The following SASS6 variants were observed in gnomAD, a reference collection of about 807,000 sequenced individuals.
SASS6 encodes the protein SAS-6 centriolar assembly protein, also known as spindle assembly abnormal protein 6 homolog.
SASS6 carries 59 observed loss-of-function variants against 94.9 expected under a neutral mutation model. That is an observed-to-expected ratio of 0.62 (90% confidence interval 0.50 to 0.77). SASS6 has a LOEUF of 0.77. Among genes scored for constraint, SASS6 ranks in the 30% least tolerant of loss-of-function variants. The pLI is 0.00. For missense variants in SASS6, 698 were observed against 734.1 expected (o/e 0.95, Z 0.57); for synonymous variants, 264 against 270.0 (o/e 0.98, Z 0.22).
intron 14 of SASS6, among the ~76,000 whole-genome samples, chr1:100,096,120 T>C (rs1196622090): frequency 6.6e-6 from 1 of 152,200 alleles, no homozygotes; most frequent in Non-Finnish European, 1.5e-5. Context: ...GTCTGTAGAT[T>C]TATACTACTG....
intron 1 of SASS6, among the ~76,000 whole-genome samples, chr1:100,128,743 A>G (rs1437098961): frequency 6.6e-6 from 1 of 152,258 alleles, no homozygotes; most frequent in Admixed American, 6.5e-5. Flanking sequence ...TACTCAATAG[A>G]TGTCTAATAC....
chr1:100,132,580 G>A (rs1057283932), intron 1 of SASS6, among the ~76,000 whole-genome samples, 170 bp downstream of exon 1: 1 of 152,066 alleles, frequency 6.6e-6, no homozygotes, highest in Non-Finnish European at 1.5e-5. Flanking sequence ...TGCAACGGCC[G>A]ACTTGGTGAG....
chr1:100,085,797 T>C (rs1222953712), intron 15 of SASS6, among the ~76,000 whole-genome samples, 167 bp from the exon 16 acceptor site: 3 of 152,182 alleles, frequency 2.0e-5, no homozygotes, highest in South Asian at 2.1e-4. Flanking sequence ...GGTAATTTTA[T>C]ACATAAACCA....
rs1470541952 is a variant in SASS6 at position 100,121,544 on chromosome 1, A to C, written c.317T>G (p.Leu106Trp). 1 of 1,569,238 alleles carries C rather than the reference A, an allele frequency of 6.4e-7. No homozygotes were observed. The highest frequency in any genetic ancestry group is 1.8e-5 in the Admixed American group (1 of 54,516). Residue 106 changes from leucine (L) to tryptophan (W), a missense_variant, in exon 5 of 17, where the codon TTG becomes TGG. By Grantham distance (61) the Leu-to-Trp change is moderately conservative. Transcript: ENST00000287482. The part of the protein sequence containing the change: ...QEHAKEIPRF[L>W]LQLVSPAAIL... ...AGCTGCTGGAGAAACTAACTGTAGC[A>C]AAAACCTTTGAAAAGAAAATGTTAC...
chr1:100,097,199 T>C (rs189684231), intron 14 of SASS6, among the ~76,000 whole-genome samples: 32 of 152,328 alleles, frequency 2.1e-4, no homozygotes, highest in Non-Finnish European at 1.5e-5. Flanking sequence ...GTTGGAAGGA[T>C]GCAGAACAAC....
chr1:100,089,349 T>C (rs1266169490), intron 14 of SASS6, among the ~76,000 whole-genome samples: 1 of 151,950 alleles, frequency 6.6e-6, no homozygotes. Flanking sequence ...ATGTGAATAA[T>C]GACTAGAATT....
Position 100,104,874 on chromosome 1 carries a change from G to A in SASS6, c.1545+893C>T, listed in dbSNP as rs886624034. 4.6e-5 allele frequency among the ~76,000 whole-genome samples: 7 copies of A among 151,296 alleles called. 1 individual carries two copies. In the South Asian group the frequency reaches 8.4e-4, roughly 18 times the overall value. ...AGGCCGAGGTGGGAGGATTGCCTGA[G>A]CCCAGGAGGTCAAGGCTGCCATGAG... On this transcript the variant is annotated intron_variant, in intron 13 of 16. Transcript: ENST00000287482.
chr1:100,119,184 G>A (rs1483213001), intron 6 of SASS6, 47 bp from the exon 7 acceptor site: 1 of 1,102,850 alleles, frequency 9.1e-7, no homozygotes, highest in South Asian at 1.9e-5. Flanking sequence ...TCCTTAATAT[G>A]TAATAATTTT....
chr1:100,106,286 T>C (rs1486681998), intron 12 of SASS6, among the ~76,000 whole-genome samples: 1 of 152,206 alleles, frequency 6.6e-6, no homozygotes, highest in Non-Finnish European at 1.5e-5. Context: ...CAATTCATAT[T>C]GTTATTATTA....
At chr1:100,105,928 G>C (rs1182845218) in intron 12 of SASS6, 25 bp from the exon 13 acceptor site, 1 of 1,487,420 alleles carries the variant, frequency 6.7e-7, no homozygotes, top group Non-Finnish European at 9.2e-7. Context: ...CAAGAAGCAA[G>C]GTAAAGAATA....
At chr1:100,088,439 C>T (rs916191541) in intron 14 of SASS6, among the ~76,000 whole-genome samples, 4 of 152,064 alleles carry the variant, frequency 2.6e-5, no homozygotes, top group Admixed American at 6.6e-5. Context: ...TACAGGTACA[C>T]GCCACGAAGT....
chr1:100,087,635 T>A (rs1325122194), intron 15 of SASS6, among the ~76,000 whole-genome samples: 1 of 152,188 alleles, frequency 6.6e-6, no homozygotes, highest in Non-Finnish European at 1.5e-5. Context: ...CTTATTTTTG[T>A]TATCTATGGG....
At chr1:100,113,759 C>T (rs531309828) in intron 7 of SASS6, among the ~76,000 whole-genome samples, 4 of 150,732 alleles carry the variant, frequency 2.7e-5, no homozygotes, top group African/African-American at 4.9e-5. Flanking sequence ...AATAGAAAAA[C>T]CACCTAGTCG....
At chr1:100,109,187 T>C (rs1653124501) in intron 8 of SASS6, among the ~76,000 whole-genome samples, 1 of 151,952 alleles carries the variant, frequency 6.6e-6, no homozygotes, top group Non-Finnish European at 1.5e-5. Context: ...TTACAACCAG[T>C]ATGAAGAGTG....
chr1:100,122,067 T>C (rs1436211349), intron 4 of SASS6, among the ~76,000 whole-genome samples: 1 of 152,226 alleles, frequency 6.6e-6, no homozygotes, highest in African/African-American at 2.4e-5. Context: ...AGTAAAAGAA[T>C]CAGGCGTTAG....
chr1:100,097,441 C>G (rs1024887020), intron 14 of SASS6, among the ~76,000 whole-genome samples: 7 of 152,114 alleles, frequency 4.6e-5, no homozygotes, highest in Admixed American at 4.6e-4. Flanking sequence ...CATATCAATA[C>G]AATGAAATAC....
At chr1:100,123,184 A>T in intron 3 of SASS6, 26 bp downstream of exon 3, 1 of 959,872 alleles carries the variant, frequency 1.0e-6, no homozygotes, top group Admixed American at 2.1e-5. Flanking sequence ...TTCACTAAAT[A>T]TAAGATCAGA....
At position 100,114,066 on chromosome 1, in the gene SASS6, T is replaced by C. The variant is rs993355632; in HGVS notation, c.670-3583A>G. On this transcript the variant is annotated intron_variant, in intron 7 of 16. Transcript: ENST00000287482. ...TGAAACACATGGCTTTTTAAGAAAA[T>C]ATAAATTAGCAAAACTCAAGAAGAG... Among the ~76,000 whole-genome samples the C allele has an allele frequency of 2.6e-5, 4 of 151,164 alleles. No homozygotes were observed. The East Asian group carries it at 7.7e-4, about 29-fold the overall frequency.
At chr1:100,091,602 T>A (rs1168766106) in intron 14 of SASS6, among the ~76,000 whole-genome samples, 2 of 140,240 alleles carry the variant, frequency 1.4e-5, no homozygotes, top group African/African-American at 5.4e-5. Flanking sequence ...CTAATAACAC[T>A]GTTCAAATGA....
Sources: allele counts gnomAD v4.1 joint callset (sites outside exome capture counted in the v4.1 genomes callset), GRCh38; gene constraint gnomAD v4.1.1; transcripts MANE v1.5; gene names NCBI Gene and HGNC (gene_info 2026-07-23, HGNC 2026-07-21).